The following GRB2 variants were observed in gnomAD, a reference collection of about 807,000 sequenced individuals.
The protein encoded by GRB2 is growth factor receptor-bound protein 2.
Under a neutral mutation model 27.4 loss-of-function variants are expected in GRB2, and 2 were observed. The observed-to-expected ratio is 0.07, with a 90% CI of 0.03 to 0.23. GRB2 has a LOEUF of 0.23. Ranked by LOEUF, GRB2 falls within the 10% of genes least tolerant of loss-of-function variation. The pLI, the probability that GRB2 is intolerant of heterozygous loss-of-function variation, is 1.00. For synonymous variants in GRB2, 94 were observed against 99.6 expected, an observed-to-expected ratio of 0.94 and a Z score of 0.33; for missense variants, 102 against 282.4, an observed-to-expected ratio of 0.36 and a Z score of 4.58.
At chr17:75,345,184 A>G (rs1352126312) in intron 2 of GRB2, among the ~76,000 whole-genome samples, 1 of 151,936 alleles carries the variant, frequency 6.6e-6, no homozygotes, top group Non-Finnish European at 1.5e-5. Context: ...CTGGGACTAC[A>G]GGCGCCCGCC....
At chr17:75,405,341 A>G (rs2079092843) in intron 1 of GRB2, 148 bp downstream of exon 1, 1 of 152,368 alleles carries the variant, frequency 6.6e-6, no homozygotes, top group South Asian at 2.1e-4. Context: ...TAGAGTCCGG[A>G]GCCCCGGGGA....
At chr17:75,327,527 C>T (rs535146934) in intron 3 of GRB2, among the ~76,000 whole-genome samples, 17 of 151,938 alleles carry the variant, frequency 1.1e-4, no homozygotes, top group African/African-American at 2.7e-4. Flanking sequence ...GCCACCACCA[C>T]GCCCAGCTAA....
chr17:75,374,788 T>A (rs2078881470), intron 2 of GRB2, among the ~76,000 whole-genome samples: 1 of 151,978 alleles, frequency 6.6e-6, no homozygotes. Context: ...CAAGACTCTG[T>A]CTCAAGAAAA....
intron 1 of GRB2, among the ~76,000 whole-genome samples, chr17:75,401,240 T>C (rs2079061513): frequency 1.3e-5 from 2 of 151,146 alleles, no homozygotes; most frequent in South Asian, 4.2e-4. Flanking sequence ...GGTCAGGAGA[T>C]CGAGACCATC....
Position 75,320,399 on chromosome 17 carries a change from T to C in GRB2, c.623A>G (p.Asn208Ser). 6.2e-7 allele frequency: 1 copy of C among 1,614,152 alleles called. No individual in the cohort carries two copies. Among genetic ancestry groups the C allele is most frequent in the Non-Finnish European group, 8.5e-7 (1 of 1,180,006 alleles). ...CHGQTGMFPR[N>S]YVTPVNRNV ...GTTCCGGTTCACGGGGGTGACATAA[T>C]TGCGGGGAAACATGCCGGTCTGCCC... The change falls in exon 6 of 6, where the codon AAT (asparagine) becomes AGT (serine). Residue 208 changes from asparagine to serine, a missense_variant. Physicochemically the swap from Asn to Ser is conservative, Grantham distance 46. Around this residue, in one of 3 missense-constraint regions of GRB2, gnomAD observed 57 missense variants for 152.9 expected, o/e 0.37. Coordinates refer to ENST00000316804, the MANE Select transcript of GRB2 (RefSeq NM_002086.5). This position sits in a 1 kb window ranked among gnomAD's most constrained non-coding sequence, Gnocchi z 4.3.
At chr17:75,398,546 C>T (rs2079043340) in intron 1 of GRB2, among the ~76,000 whole-genome samples, 1 of 151,982 alleles carries the variant, frequency 6.6e-6, no homozygotes, top group Non-Finnish European at 1.5e-5. Flanking sequence ...CAGGTATGAG[C>T]CACCGCACCA....
chr17:75,388,247 C>A (rs950102437), intron 2 of GRB2, among the ~76,000 whole-genome samples: 2 of 151,960 alleles, frequency 1.3e-5, no homozygotes, highest in African/African-American at 4.8e-5. Context: ...CAGGTACGCA[C>A]GCGCACCACC....
intron 2 of GRB2, among the ~76,000 whole-genome samples, chr17:75,340,904 ATAAT>A (rs1201571544): frequency 6.6e-6 from 1 of 152,206 alleles, no homozygotes; most frequent in Non-Finnish European, 1.5e-5. Context: ...AGGTAGTTCA[ATAAT>A]TAAGGTTTCT....
rs1555608338 is a variant in GRB2, at chr17:75,324,507, G to GTC, written c.299+1390_299+1391insGA. 4.0e-3 allele frequency among the ~76,000 whole-genome samples: 147 copies of GTC among 36,676 alleles called. 13 individuals are homozygous for GTC. Among genetic ancestry groups the GTC allele is most frequent in the East Asian group, 7.9e-3 (3 of 378 alleles). The allele number at this position is 36,676 out of a possible 152,430, so 24.1% of individuals were successfully genotyped here. A position where few individuals can be genotyped will look rare whatever the true frequency, so the allele number is the denominator to read the frequency against. On this transcript the variant is annotated intron_variant, in intron 4 of 5. Coordinates refer to ENST00000316804, the MANE Select transcript of GRB2 (RefSeq NM_002086.5). ...TTACAGGTGTGAGCCACCGCACCCA[G>GTC]TTTTTTTTTTTTTTTTTTTTTTTTT... is the stretch of plus-strand genomic sequence containing the variant.
Position 75,351,424 on chromosome 17 carries a change from G to A in GRB2, c.79-18627C>T, listed in dbSNP as rs542743498. 2.6e-5 allele frequency among the ~76,000 whole-genome samples: 4 copies of A among 152,242 alleles called. No homozygotes were observed. The East Asian group carries it at 7.7e-4, about 29-fold the overall frequency. On this transcript the variant is annotated intron_variant, in intron 2 of 5. Transcript: ENST00000316804. ...AGCACTTTGAGAGGCTGAGGCGGAA[G>A]AATCACTTGAACCCAGGAGATCAAG... is the stretch of plus-strand genomic sequence containing the variant.
intron 2 of GRB2, among the ~76,000 whole-genome samples, chr17:75,334,025 T>C (rs1322519199): frequency 6.6e-6 from 1 of 152,100 alleles, no homozygotes; most frequent in Non-Finnish European, 1.5e-5. Flanking sequence ...ATGTGTAGAG[T>C]AATACAGTAG....
chr17:75,405,428 CG>C (rs976065696), intron 1 of GRB2, 60 bp downstream of exon 1: 21 of 152,352 alleles, frequency 1.4e-4, no homozygotes, highest in African/African-American at 5.1e-4. Flanking sequence ...GGCCCACTCC[CG>C]CTGTAGAGCC....
At chr17:75,401,430 C>A (rs1469968789) in intron 1 of GRB2, among the ~76,000 whole-genome samples, 1 of 118,432 alleles carries the variant, frequency 8.4e-6, no homozygotes, top group African/African-American at 3.2e-5. Flanking sequence ...CCGGCCTGGG[C>A]GACAGAGCGA....
At chr17:75,403,259 G>A (rs1000193741) in intron 1 of GRB2, among the ~76,000 whole-genome samples, 6 of 151,230 alleles carry the variant, frequency 4.0e-5, no homozygotes, top group African/African-American at 1.5e-4. Flanking sequence ...TCTCTCCGGA[G>A]GGCATGGTGA....
At position 75,393,535 on chromosome 17, in the gene GRB2, C is replaced by G. The variant is rs765977866; in HGVS notation, c.78+16G>C. 6.2e-7 allele frequency: 1 copy of G among 1,604,202 alleles called. No individual in the cohort carries two copies. ...GGGAGAGCGATCTCAGCATTGTGCT[C>G]GGCATCAGCACTTACCTTGAGGATG... On this transcript the variant is annotated intron_variant, in intron 2 of 5. Coordinates refer to ENST00000316804, the MANE Select transcript of GRB2 (RefSeq NM_002086.5).
intron 2 of GRB2, among the ~76,000 whole-genome samples, chr17:75,337,892 CTACTACTACTATTAT>C (rs1318788012): frequency 1.6e-5 from 2 of 127,648 alleles, no homozygotes; most frequent in South Asian, 2.6e-4. Context: ...ACTACTACTA[CTACTACTACTATTAT>C]TATTATTATT....
chr17:75,367,937 C>T (rs769195316), intron 2 of GRB2, among the ~76,000 whole-genome samples: 2 of 151,936 alleles, frequency 1.3e-5, no homozygotes, highest in African/African-American at 2.4e-5. Flanking sequence ...GGCTGGAGTG[C>T]AGTGGCACGA....
chr17:75,326,607 T>TG (rs1260098285), intron 3 of GRB2, among the ~76,000 whole-genome samples: 8 of 152,262 alleles, frequency 5.3e-5, no homozygotes, highest in Non-Finnish European at 1.2e-4. Context: ...CTGGGGCCAC[T>TG]GCTCAGAGTT....
At chr17:75,361,708 A>G (rs779830830) in intron 2 of GRB2, among the ~76,000 whole-genome samples, 2 of 152,136 alleles carry the variant, frequency 1.3e-5, no homozygotes, top group African/African-American at 4.8e-5. Flanking sequence ...ACTAGGGGGA[A>G]AAAGCTTCCC....
Sources: gnomAD v4.1 joint callset for allele counts (sites outside exome capture counted in the v4.1 genomes callset) on GRCh38, gnomAD v4.1.1 for gene constraint, gnomAD v4.1.1 regional missense constraint, Gnocchi (gnomAD v3.1) non-coding constraint, MANE v1.5 for transcripts, NCBI Gene and HGNC (gene_info 2026-07-23, HGNC 2026-07-21) for gene names.